Variants in TCHP observed in about 807,000 individuals in gnomAD.
TCHP encodes the protein trichoplein keratin filament binding, also known as trichoplein keratin filament-binding protein.
TCHP carries 81 observed loss-of-function variants against 88.7 expected under a neutral mutation model. That is an observed-to-expected ratio of 0.91 (90% CI 0.76 to 1.10). The LOEUF is 1.10. Ranked by LOEUF, TCHP falls within the 50% of genes least tolerant of loss-of-function variation. The probability of loss-of-function intolerance (pLI) is 0.00; values close to 1 mark genes in which losing one functional copy is unlikely to be tolerated. For missense variants in TCHP, 641 were observed against 632.1 expected (o/e 1.01, Z -0.15); for synonymous variants, 232 against 232.5 (o/e 1.00, Z 0.02).
intron 5 of TCHP, 117 bp from the exon 6 acceptor site, chr12:109,907,409 T>G: frequency 9.5e-7 from 1 of 1,048,888 alleles, no homozygotes; most frequent in Non-Finnish European, 1.4e-6. Context: ...GGCGTTGTCA[T>G]TTGGGATTCA....
At chr12:109,906,242 A>G (rs1299192185) in intron 4 of TCHP, among the ~76,000 whole-genome samples, 3 of 152,212 alleles carry the variant, frequency 2.0e-5, no homozygotes, top group Non-Finnish European at 4.4e-5. Flanking sequence ...CATGCAGTAC[A>G]TCAACCCAAG....
At position 109,904,093 on chromosome 12, in the gene TCHP, A is replaced by G. The variant is rs1325420434; in HGVS notation, c.345A>G (p.Arg115=). ...LRLSMNLQER[R]IREQHGKLKS... The stretch of plus-strand genomic sequence containing the variant: ...TGAGCATGAACTTGCAGGAAAGAAG[A>G]ATCCGGGAGCAGCACGGGAAGCTGA... Residue 115 remains arginine (R), a synonymous_variant, in exon 3 of 13, where the codon AGA becomes AGG. Coordinates refer to ENST00000405876, the MANE Select transcript of TCHP (RefSeq NM_001143852.2). 6 of 1,596,220 alleles carry G rather than the reference A, an allele frequency of 3.8e-6. No individual in the cohort carries two copies. Among genetic ancestry groups the G allele is most frequent in the Middle Eastern group, 3.3e-4 (2 of 6,044 alleles).
chr12:109,882,934 G>A, the TCHP span, among the ~76,000 whole-genome samples: 1 of 151,980 alleles, frequency 6.6e-6, no homozygotes, highest in Non-Finnish European at 1.5e-5. Context: ...TGGGATTACA[G>A]GTGTGAACCA....
At chr12:109,906,683 C>A in intron 5 of TCHP, 43 bp downstream of exon 5, 1 of 1,519,956 alleles carries the variant, frequency 6.6e-7, no homozygotes, top group Non-Finnish European at 9.0e-7. Context: ...TTCTGCTGTG[C>A]GAGACTGTTC....
intron 4 of TCHP, among the ~76,000 whole-genome samples, chr12:109,906,019 C>A (rs1178525322): frequency 1.3e-5 from 2 of 152,156 alleles, no homozygotes; most frequent in African/African-American, 4.8e-5. Context: ...AAACAGTTTC[C>A]CAAACAAAAG....
Position 109,903,350 on chromosome 12 carries a change from G to A in TCHP, c.188+136G>A. 1 of 780,562 alleles carries A rather than the reference G, an allele frequency of 1.3e-6. No homozygotes were observed. Among genetic ancestry groups the A allele is most frequent in the Non-Finnish European group, 2.0e-6 (1 of 503,078 alleles). 48.4% of individuals were successfully genotyped at this position (780,562 alleles called of 1,614,324 possible). ...CTGCATGGTGATGTTTTTCCAGCTG[G>A]AAATGGAAAAAAAGATCATCAGTGC... is the stretch of plus-strand genomic sequence containing the variant. On this transcript the variant is annotated intron_variant, in intron 2 of 12. Coordinates refer to ENST00000405876, the MANE Select transcript of TCHP (RefSeq NM_001143852.2). The surrounding 1 kb of genome is among the most constrained non-coding windows in gnomAD (Gnocchi z 4.6).
intron 11 of TCHP, 197 bp downstream of exon 11, chr12:109,914,824 G>C: frequency 1.8e-6 from 1 of 547,012 alleles, no homozygotes; most frequent in Non-Finnish European, 3.3e-6. Context: ...CATGTCGTGT[G>C]GGTGAGGCCG....
At chr12:109,909,805 A>G (rs1036051548) in intron 8 of TCHP, among the ~76,000 whole-genome samples, 4 of 152,216 alleles carry the variant, frequency 2.6e-5, no homozygotes, top group African/African-American at 9.6e-5. Context: ...TCTCTACTAA[A>G]AAATACAAAA....
In TCHP at chr12:109,906,923, C is replaced by G. The variant is rs371249522; in HGVS notation, c.525+283C>G. Among the ~76,000 whole-genome samples, 12 of 152,294 alleles carry G rather than the reference C, an allele frequency of 7.9e-5. No individual in the cohort carries two copies. The South Asian group carries it at 2.1e-3, about 26-fold the overall frequency. ...TTTCTTTTGGAGGCAGGGTCTTGCTCTGTCACCCAGGCTGGTGTGCAGTGG... is the reference window on the plus strand; with the variant it reads ...TTTCTTTTGGAGGCAGGGTCTTGCTGTGTCACCCAGGCTGGTGTGCAGTGG... On this transcript the variant is annotated intron_variant, in intron 5 of 12. Transcript: ENST00000405876.
the TCHP span, among the ~76,000 whole-genome samples, chr12:109,885,780 C>CTT: frequency 1.4e-5 from 2 of 143,694 alleles, no homozygotes; most frequent in Non-Finnish European, 3.1e-5. Flanking sequence ...CGCACCCCGC[C>CTT]TTTTTTTTTT....
Position 109,903,969 on chromosome 12 carries a change from A to C in TCHP, c.221A>C (p.Glu74Ala). 1 of 1,610,432 alleles carries C rather than the reference A, an allele frequency of 6.2e-7. No individual in the cohort carries two copies. The highest frequency in any genetic ancestry group is 1.7e-4 in the Middle Eastern group (1 of 5,720). ...GCCTATCAGCGGGAGAAGATGAAGGAGGAGAAGAGGAGGAGTCTGGAGGCC... is the reference window on the plus strand; with the variant it reads ...GCCTATCAGCGGGAGAAGATGAAGGCGGAGAAGAGGAGGAGTCTGGAGGCC... ...MHAYQREKMK[E>A]EKRRSLEARR... Residue 74 changes from glutamate to alanine, a missense_variant, in exon 3 of 13, where the codon GAG becomes GCG. Physicochemically the swap from Glu to Ala is moderately radical, Grantham distance 107. Transcript: ENST00000405876. This position sits in a 1 kb window ranked among gnomAD's most constrained non-coding sequence, Gnocchi z 4.6.
chr12:109,913,102 C>G (rs778258319), intron 10 of TCHP, 30 bp downstream of exon 10: 1 of 1,609,480 alleles, frequency 6.2e-7, no homozygotes, highest in South Asian at 1.1e-5. Flanking sequence ...TGTGGACCGG[C>G]TGTTGGGTCT....
chr12:109,892,790 G>A, the TCHP span, among the ~76,000 whole-genome samples: 1 of 152,270 alleles, frequency 6.6e-6, no homozygotes, highest in African/African-American at 2.4e-5. Flanking sequence ...AGCCTCAGTG[G>A]GGTTACTCTA....
intron 1 of TCHP, among the ~76,000 whole-genome samples, chr12:109,902,028 G>T (rs545541170): frequency 3.3e-5 from 5 of 152,178 alleles, no homozygotes; most frequent in South Asian, 4.1e-4. Context: ...ACATACATGT[G>T]TTCCTTACAT....
chr12:109,887,409 C>CAAA, the TCHP span, among the ~76,000 whole-genome samples: 962 of 79,870 alleles, frequency 0.012, 14 homozygotes, highest in African/African-American at 0.017. Context: ...GGCTCTGTCT[C>CAAA]AAAAAAAAAA....
chr12:109,914,084 G>C (rs200842506), intron 10 of TCHP: 3 of 160,208 alleles, frequency 1.9e-5, no homozygotes, highest in African/African-American at 7.2e-5. Flanking sequence ...TCTTGTTTTT[G>C]GAACCCGCTG....
At chr12:109,883,572 A>G in the TCHP span, among the ~76,000 whole-genome samples, 1 of 151,844 alleles carries the variant, frequency 6.6e-6, no homozygotes, top group Non-Finnish European at 1.5e-5. Context: ...CTATGATACC[A>G]TCTCCTTGAA....
At chr12:109,904,902 C>A (rs953926498) in intron 4 of TCHP, 109 bp downstream of exon 4, 3 of 941,532 alleles carry the variant, frequency 3.2e-6, no homozygotes, top group Non-Finnish European at 4.8e-6. Context: ...GAGGAGGGAA[C>A]CTTGAGCCAC....
At chr12:109,902,891 G>GTTTT in intron 1 of TCHP, 136 bp from the exon 2 acceptor site, 1 of 611,800 alleles carries the variant, frequency 1.6e-6, no homozygotes, top group Non-Finnish European at 2.7e-6. Context: ...TTGTTTGTTT[G>GTTTT]TTTGTTTTAA....
Sources: gnomAD v4.1 joint callset for allele counts (sites outside exome capture counted in the v4.1 genomes callset) on GRCh38, gnomAD v4.1.1 for gene constraint, Gnocchi (gnomAD v3.1) non-coding constraint, MANE v1.5 for transcripts, NCBI Gene and HGNC (gene_info 2026-07-23, HGNC 2026-07-21) for gene names.